NSD1: variants seen among roughly 807,000 people sequenced by gnomAD.
NSD1 encodes the protein histone-lysine N-methyltransferase, H3 lysine-36 specific.
A neutral mutation model predicts 242.7 loss-of-function variants in NSD1; 26 were observed. That is an observed-to-expected ratio of 0.11 (90% CI 0.08 to 0.15). The LOEUF (loss-of-function observed/expected upper bound fraction) is 0.15, where lower values mean the gene tolerates loss of function less well. Ranked by LOEUF, NSD1 falls within the 10% of genes least tolerant of loss-of-function variation. The pLI is 1.00. For synonymous variants in NSD1, 1,106 were observed against 1,178.1 expected (o/e 0.94, Z 1.25); for missense variants, 2,495 against 3,272.8 (o/e 0.76, Z 5.80).
chr5:177,144,802 C>T (rs1476242368), intron 2 of NSD1, among the ~76,000 whole-genome samples: 1 of 152,034 alleles, frequency 6.6e-6, no homozygotes, highest in East Asian at 1.9e-4. Context: ...TAATACTTGG[C>T]CGGGCGCGGT....
intron 11 of NSD1, among the ~76,000 whole-genome samples, chr5:177,249,044 C>T (rs980911430): frequency 2.0e-5 from 3 of 152,262 alleles, no homozygotes; most frequent in Admixed American, 2.0e-4. Context: ...GTTGGATTGC[C>T]TCTCTGTGAG....
intron 2 of NSD1, among the ~76,000 whole-genome samples, chr5:177,190,486 C>T (rs1457926686): frequency 1.3e-5 from 2 of 151,340 alleles, no homozygotes; most frequent in East Asian, 2.0e-4. Context: ...GACAGGGTTT[C>T]GCTGTGTTGG....
Position 177,209,637 on chromosome 5 carries a change from T to C in NSD1, c.1238T>C (p.Val413Ala). 1 of 1,612,094 alleles carries C rather than the reference T, an allele frequency of 6.2e-7. No homozygotes were observed. The highest frequency in any genetic ancestry group is 8.5e-7 in the Non-Finnish European group (1 of 1,178,294). The change falls in exon 5 of 23, where the codon GTT becomes GCT. Residue 413 changes from valine (V) to alanine (A), a missense_variant and splice_region_variant. Physicochemically the swap from Val to Ala is moderately conservative, Grantham distance 64. This residue lies in a region of NSD1 where 65 missense variants were observed against 136.2 expected (regional missense o/e 0.48). Transcript: ENST00000439151. ...TTCTTTTTCTCCTTTAAATTTAAGGTTCCTCAGAAAATTTTGAGTAAATGG... is the reference window on the plus strand; with the variant it reads ...TTCTTTTTCTCCTTTAAATTTAAGGCTCCTCAGAAAATTTTGAGTAAATGG... ...KQKEKGYRHK[V>A]PQKILSKWEA...
At chr5:177,282,985 G>A (rs1387176993) in intron 19 of NSD1, among the ~76,000 whole-genome samples, 2 of 151,858 alleles carry the variant, frequency 1.3e-5, no homozygotes, top group Non-Finnish European at 2.9e-5. Context: ...ACAGAGTCTC[G>A]TTCTGTCACC....
At chr5:177,232,369 G>A (rs1302071215) in intron 5 of NSD1, among the ~76,000 whole-genome samples, 3 of 152,116 alleles carry the variant, frequency 2.0e-5, no homozygotes, top group Admixed American at 6.5e-5. Context: ...TAAAATGCAG[G>A]TTGAGCATTC....
chr5:177,279,253 G>C (rs999743091), intron 17 of NSD1, among the ~76,000 whole-genome samples: 1 of 152,098 alleles, frequency 6.6e-6, no homozygotes, highest in South Asian at 2.1e-4. Flanking sequence ...AGACCGAGGC[G>C]GGCAGATCAC....
chr5:177,257,735 G>A (rs1756607967), intron 13 of NSD1, among the ~76,000 whole-genome samples: 1 of 152,124 alleles, frequency 6.6e-6, no homozygotes, highest in African/African-American at 2.4e-5. Flanking sequence ...CATGTGAGAT[G>A]TAGTTTGAGA....
intron 2 of NSD1, among the ~76,000 whole-genome samples, chr5:177,186,776 A>G (rs1013028471): frequency 6.6e-6 from 1 of 152,232 alleles, no homozygotes; most frequent in East Asian, 1.9e-4. Context: ...ATTGCTTGAG[A>G]CCAAGAGTTC....
chr5:177,264,028 A>AATTTTTTTTT, intron 14 of NSD1, among the ~76,000 whole-genome samples: 1 of 76,386 alleles, frequency 1.3e-5, no homozygotes, highest in East Asian at 3.9e-4. Flanking sequence ...CAATGAACCA[A>AATTTTTTTTT]TTTTTTTTTT....
At chr5:177,247,942 C>T (rs1020027050) in intron 10 of NSD1, 2 of 985,254 alleles carry the variant, frequency 2.0e-6, no homozygotes, top group African/African-American at 3.5e-5. Flanking sequence ...TAAAATGGAA[C>T]AGCTCAGAAA....
intron 2 of NSD1, among the ~76,000 whole-genome samples, chr5:177,151,554 A>G (rs898147276): frequency 6.6e-6 from 1 of 151,358 alleles, no homozygotes; most frequent in Non-Finnish European, 1.5e-5. Context: ...ACGCCCGGCT[A>G]ATTTTTGTAT....
intron 20 of NSD1, among the ~76,000 whole-genome samples, chr5:177,284,323 C>G (rs1036139996): frequency 1.3e-5 from 2 of 152,220 alleles, no homozygotes; most frequent in Admixed American, 1.3e-4. Context: ...CTCTGTTGCC[C>G]AGGCTGCACT....
chr5:177,135,036 G>A, intron 1 of NSD1, 51 bp from the exon 2 acceptor site: 2 of 1,497,886 alleles, frequency 1.3e-6, no homozygotes, highest in Non-Finnish European at 1.9e-6. Context: ...TTAAAGAGTC[G>A]AGTCAGATGG....
intron 17 of NSD1, among the ~76,000 whole-genome samples, chr5:177,279,289 G>A (rs1292117532): frequency 1.3e-5 from 2 of 152,134 alleles, no homozygotes; most frequent in Non-Finnish European, 2.9e-5. Flanking sequence ...CACAAGGTCA[G>A]GAGATCGAGA....
At chr5:177,271,863 C>T (rs1356151397) in intron 16 of NSD1, among the ~76,000 whole-genome samples, 1 of 152,114 alleles carries the variant, frequency 6.6e-6, no homozygotes, top group African/African-American at 2.4e-5. Flanking sequence ...AATGACGAGA[C>T]TCTGCTGGAC....
At chr5:177,202,597 T>C (rs1208322063) in intron 3 of NSD1, among the ~76,000 whole-genome samples, 1 of 152,108 alleles carries the variant, frequency 6.6e-6, no homozygotes, top group Non-Finnish European at 1.5e-5. Flanking sequence ...CAGGCTGGTC[T>C]CGAACTCCTG....
intron 2 of NSD1, among the ~76,000 whole-genome samples, chr5:177,158,981 C>T (rs1758449164): frequency 2.5e-5 from 3 of 121,618 alleles, no homozygotes; most frequent in Admixed American, 7.9e-5. Flanking sequence ...TATATACACA[C>T]ATATATATGA....
At chr5:177,226,002 T>A (rs1472357275) in intron 5 of NSD1, among the ~76,000 whole-genome samples, 1 of 152,204 alleles carries the variant, frequency 6.6e-6, no homozygotes. Context: ...CTCATATCCA[T>A]GCATAATGAG....
At chr5:177,228,395 T>C (rs977800951) in intron 5 of NSD1, among the ~76,000 whole-genome samples, 1 of 152,008 alleles carries the variant, frequency 6.6e-6, no homozygotes, top group African/African-American at 2.4e-5. Flanking sequence ...TTTTGTATTT[T>C]TAGTAGGGAC....
Sources: gnomAD v4.1 joint callset for allele counts (sites outside exome capture counted in the v4.1 genomes callset) on GRCh38, gnomAD v4.1.1 for gene constraint, gnomAD v4.1.1 regional missense constraint, MANE v1.5 for transcripts, NCBI Gene and HGNC (gene_info 2026-07-23, HGNC 2026-07-21) for gene names.